DIP2B: variants seen among roughly 807,000 people sequenced by gnomAD.
DIP2B encodes the protein disco-interacting protein 2 homolog B.
In DIP2B, 76 loss-of-function variants were observed where a neutral mutation model predicts 198.0. The observed-to-expected ratio is 0.38, with a 90% CI of 0.32 to 0.46. DIP2B has a LOEUF of 0.46. DIP2B is among the 20% of genes least tolerant of loss of function. The probability of loss-of-function intolerance (pLI) is 0.99; values close to 1 mark genes in which losing one functional copy is unlikely to be tolerated. For missense variants in DIP2B, 1,559 were observed against 1,978.4 expected, an observed-to-expected ratio of 0.79 and a Z score of 4.02; for synonymous variants, 701 against 739.1, an observed-to-expected ratio of 0.95 and a Z score of 0.84.
At chr12:50,711,196 T>G in intron 22 of DIP2B, among the ~76,000 whole-genome samples, 1 of 152,344 alleles carries the variant, frequency 6.6e-6, no homozygotes, top group East Asian at 1.9e-4. Context: ...TCGCAGTCTT[T>G]GTAACTTACC....
At chr12:50,590,986 G>A (rs1958814119) in intron 1 of DIP2B, among the ~76,000 whole-genome samples, 1 of 152,148 alleles carries the variant, frequency 6.6e-6, no homozygotes, top group East Asian at 1.9e-4. Flanking sequence ...TCTTGGGAGT[G>A]GGATTAAGGC....
chr12:50,725,065 A>G (rs1191354609), intron 28 of DIP2B, among the ~76,000 whole-genome samples, 179 bp downstream of exon 28: 2 of 152,210 alleles, frequency 1.3e-5, no homozygotes, highest in Non-Finnish European at 2.9e-5. Flanking sequence ...AGATGCAAAG[A>G]GCCAGATCAC....
At position 50,735,103 on chromosome 12, in the gene DIP2B, G is replaced by C; in HGVS notation, c.4074G>C (p.Gln1358His). The C allele has an allele frequency of 6.2e-7, 1 of 1,614,166 alleles. No homozygotes were observed. The highest frequency in any genetic ancestry group is 8.5e-7 in the Non-Finnish European group (1 of 1,180,012). The change falls in exon 34 of 38, where the codon CAG (glutamine) becomes CAC (histidine). Residue 1358 changes from glutamine (Q) to histidine (H), a missense_variant. Gln to His is a conservative substitution (Grantham distance 24). Transcript: ENST00000301180. ...GTCTCGTGGAACGTGGCGCCCCTCAGAGTTTGCTTCTCTCAGAGTCTGGAA... is the reference window on the plus strand; with the variant it reads ...GTCTCGTGGAACGTGGCGCCCCTCACAGTTTGCTTCTCTCAGAGTCTGGAA... ...RVRLVERGAP[Q>H]SLLLSESGKI...
intron 1 of DIP2B, among the ~76,000 whole-genome samples, chr12:50,556,991 T>G (rs1958477518): frequency 6.6e-6 from 1 of 152,176 alleles, no homozygotes; most frequent in African/African-American, 2.4e-5. Context: ...ATTACAGGCA[T>G]GAGTCACCGC....
intron 1 of DIP2B, among the ~76,000 whole-genome samples, chr12:50,516,953 G>T (rs1218739576): frequency 6.6e-6 from 1 of 151,520 alleles, no homozygotes; most frequent in African/African-American, 2.4e-5. Context: ...CCAAGATCGT[G>T]CCACTGCACT....
At chr12:50,677,407 G>T (rs1280989703) in intron 7 of DIP2B, among the ~76,000 whole-genome samples, 1 of 152,088 alleles carries the variant, frequency 6.6e-6, no homozygotes, top group Non-Finnish European at 1.5e-5. Flanking sequence ...GGGAATTCAG[G>T]AGTTCAAGAC....
rs745691052 is a variant in DIP2B, at chr12:50,714,418, G to A, written c.2673G>A (p.Val891=). 1.9e-6 allele frequency: 3 copies of A among 1,614,178 alleles called. No homozygotes were observed. Among genetic ancestry groups the A allele is most frequent in the Non-Finnish European group, 2.5e-6 (3 of 1,180,040 alleles). ...VLQAIDSIHQ[V]GVYCLALVPA... ...AGGCGATCGATAGCATTCATCAAGT[G>A]GGGGTTTATTGTCTTGCTCTGGTGC... The change falls in exon 23 of 38, where the codon GTG becomes GTA. Residue 891 remains valine (V), a synonymous_variant. Transcript: ENST00000301180.
At chr12:50,639,554 C>T (rs1015217602) in intron 2 of DIP2B, among the ~76,000 whole-genome samples, 1 of 151,378 alleles carries the variant, frequency 6.6e-6, no homozygotes, top group African/African-American at 2.4e-5. Context: ...GGCTGTGTGG[C>T]ACTGTTGCTT....
rs1308728558 is a variant in DIP2B, at chr12:50,705,048, A to G, written c.2406+828A>G. Among the ~76,000 whole-genome samples the G allele has an allele frequency of 3.9e-5, 6 of 152,222 alleles. No individual in the cohort carries two copies. In the South Asian group the frequency reaches 1.0e-3, roughly 26 times the overall value. ...TCAGGACATTAAAAGCCTGTTCTCA[A>G]AGAGCTCACAGTGAACTTGATGAGC... On this transcript the variant is annotated intron_variant, in intron 20 of 37. Coordinates refer to ENST00000301180, the MANE Select transcript of DIP2B (RefSeq NM_173602.3).
At chr12:50,558,852 G>A (rs1027871084) in intron 1 of DIP2B, among the ~76,000 whole-genome samples, 5 of 152,156 alleles carry the variant, frequency 3.3e-5, no homozygotes, top group Non-Finnish European at 7.3e-5. Context: ...CTCTGGAAAT[G>A]GGGGCAAAAG....
rs773393290 is a variant in DIP2B, at chr12:50,675,343, A to G, written c.811A>G (p.Ser271Gly). Residue 271 changes from serine to glycine, a missense_variant, in exon 7 of 38, where the codon AGC (serine) becomes GGC (glycine). By Grantham distance (56) the Ser-to-Gly change is moderately conservative (BLOSUM62 0). Transcript: ENST00000301180. ...MDTADGVPVS[S>G]RVSTKIQQLL... The stretch of plus-strand genomic sequence containing the variant: ...TTCCCTTATAGGTGTTCCTGTCAGT[A>G]GCAGAGTATCTACAAAAATCCAGCA... 8 of 1,612,676 alleles carry G rather than the reference A, an allele frequency of 5.0e-6. No individual in the cohort carries two copies. Among genetic ancestry groups the G allele is most frequent in the Non-Finnish European group, 6.8e-6 (8 of 1,179,072 alleles).
Position 50,718,798 on chromosome 12 carries a change from G to A in DIP2B, c.2941G>A (p.Glu981Lys). ...AAGRDLGQIE[E>K]NDLVRKHQFL... ...TGGAAGGGATCTGGGACAAATAGAA[G>A]AGAATGATTTGGTGAGGAAGGTAAG... is the stretch of plus-strand genomic sequence containing the variant. The change falls in exon 24 of 38, where the codon GAG (glutamate) becomes AAG (lysine). Residue 981 changes from glutamate (E) to lysine (K), a missense_variant. By Grantham distance (56) the Glu-to-Lys change is moderately conservative (BLOSUM62 1). Coordinates refer to ENST00000301180, the MANE Select transcript of DIP2B (RefSeq NM_173602.3). 6.2e-7 allele frequency: 1 copy of A among 1,614,180 alleles called. No homozygotes were observed. The highest frequency in any genetic ancestry group is 8.5e-7 in the Non-Finnish European group (1 of 1,180,022).
intron 3 of DIP2B, among the ~76,000 whole-genome samples, chr12:50,648,987 T>C (rs554505788): frequency 6.6e-6 from 1 of 152,076 alleles, no homozygotes; most frequent in South Asian, 2.1e-4. Context: ...AAAGATACAA[T>C]AGTAGAGCAA....
At position 50,514,134 on chromosome 12, in the gene DIP2B, C is replaced by T. The variant is rs562025307; in HGVS notation, c.100+8894C>T. 8.3e-5 allele frequency among the ~76,000 whole-genome samples: 12 copies of T among 144,934 alleles called. No homozygotes were observed. In the South Asian group the frequency reaches 1.6e-3, roughly 19 times the overall value. On this transcript the variant is annotated intron_variant, in intron 1 of 37. Transcript: ENST00000301180. The stretch of plus-strand genomic sequence containing the variant: ...AGGCTGGAGTGCAATGGCATGATCT[C>T]AGCTCACCATAACCTCCGCCTCCCG...
rs781301143 is a variant in DIP2B at position 50,714,524 on chromosome 12, C to A, written c.2779C>A (p.His927Asn). 6.2e-7 allele frequency: 1 copy of A among 1,614,204 alleles called. No homozygotes were observed. The highest frequency in any genetic ancestry group is 1.1e-5 in the South Asian group (1 of 91,090). The change falls in exon 23 of 38, where the codon CAT becomes AAT. Residue 927 changes from histidine (H) to asparagine (N), a missense_variant. Physicochemically the swap from His to Asn is moderately conservative, Grantham distance 68 (BLOSUM62 1). Coordinates refer to ENST00000301180, the MANE Select transcript of DIP2B (RefSeq NM_173602.3). ...TKQLFLEGSLHPCNILMCPHT... is the reference protein window; with the variant it reads ...TKQLFLEGSLNPCNILMCPHT... ...ACAACTCTTTCTGGAGGGATCACTG[C>A]ATCCTTGCAACATCCTCATGTGCCC...
At chr12:50,687,715 C>T (rs1939155584) in intron 12 of DIP2B, among the ~76,000 whole-genome samples, 1 of 151,866 alleles carries the variant, frequency 6.6e-6, no homozygotes, top group Non-Finnish European at 1.5e-5. Flanking sequence ...AGGGGAATAT[C>T]ACACCGGGGC....
chr12:50,718,948 ACTT>A lies in DIP2B; in HGVS notation c.2962-5_2962-3del. ...CCCTGAGTCCTTTTTCTGGTTTATG[ACTT>A]CAGCACCAGTTTCTGGCAGAGATCC... On this transcript the variant is annotated splice_region_variant and splice_polypyrimidine_tract_variant and intron_variant, in intron 24 of 37. Transcript: ENST00000301180. 1 of 1,614,092 alleles carries A rather than the reference ACTT, an allele frequency of 6.2e-7. No individual in the cohort carries two copies. The highest frequency in any genetic ancestry group is 8.5e-7 in the Non-Finnish European group (1 of 1,179,994).
intron 1 of DIP2B, among the ~76,000 whole-genome samples, chr12:50,509,354 G>A (rs1957994949): frequency 1.3e-5 from 2 of 152,196 alleles, no homozygotes; most frequent in South Asian, 4.1e-4. Flanking sequence ...AGTGCAACGC[G>A]AAGAATGTTC....
chr12:50,695,473 AG>A, intron 15 of DIP2B, 113 bp downstream of exon 15: 1 of 995,356 alleles, frequency 1.0e-6, no homozygotes, highest in South Asian at 1.5e-5. Context: ...AACAAATTGT[AG>A]AGTTTAGTTA....
Sources: allele counts gnomAD v4.1 joint callset (sites outside exome capture counted in the v4.1 genomes callset), GRCh38; gene constraint gnomAD v4.1.1; transcripts MANE v1.5; gene names NCBI Gene and HGNC (gene_info 2026-07-23, HGNC 2026-07-21).